COL8A1: variants seen among roughly 807,000 people sequenced by gnomAD.
COL8A1 encodes collagen type VIII alpha 1 chain.
Under a neutral mutation model 42.7 loss-of-function variants are expected in COL8A1, and 21 were observed. That is an observed-to-expected ratio of 0.49 (90% confidence interval 0.35 to 0.71). The LOEUF (loss-of-function observed/expected upper bound fraction) is 0.71, where lower values mean the gene tolerates loss of function less well. COL8A1 is among the 30% of genes least tolerant of loss of function. The probability of loss-of-function intolerance (pLI) is 0.01; values close to 1 mark genes in which losing one functional copy is unlikely to be tolerated. For synonymous variants in COL8A1, 367 were observed against 369.1 expected (o/e 0.99, Z 0.06); for missense variants, 788 against 962.4 (o/e 0.82, Z 2.40).
intron 1 of COL8A1, among the ~76,000 whole-genome samples, chr3:99,717,594 A>G (rs576810550): frequency 6.6e-6 from 1 of 152,178 alleles, no homozygotes; most frequent in Middle Eastern, 3.4e-3. Context: ...ACTTATTTCT[A>G]GATGTTGAAA....
At chr3:99,703,888 C>T (rs909444947) in intron 1 of COL8A1, among the ~76,000 whole-genome samples, 19 of 152,128 alleles carry the variant, frequency 1.2e-4, no homozygotes, top group African/African-American at 4.3e-4. Context: ...AAATTCTCCA[C>T]AGTGGATATA....
At chr3:99,782,717 G>A (rs1045010571) in intron 2 of COL8A1, among the ~76,000 whole-genome samples, 8 of 152,190 alleles carry the variant, frequency 5.3e-5, no homozygotes, top group Non-Finnish European at 8.8e-5. Flanking sequence ...TTATAAGTGT[G>A]GATATGTTCT....
intron 2 of COL8A1, among the ~76,000 whole-genome samples, chr3:99,760,340 G>C (rs1941343485): frequency 6.6e-6 from 1 of 152,054 alleles, no homozygotes; most frequent in Admixed American, 6.5e-5. Context: ...AAACTTGGAA[G>C]TACCAAAATA....
At chr3:99,695,974 A>G (rs1939354521) in intron 1 of COL8A1, among the ~76,000 whole-genome samples, 3 of 152,188 alleles carry the variant, frequency 2.0e-5, no homozygotes. Context: ...TCTCTACTAC[A>G]AATACAAAAC....
chr3:99,692,357 G>A (rs943314751), intron 1 of COL8A1, among the ~76,000 whole-genome samples: 2 of 152,198 alleles, frequency 1.3e-5, no homozygotes. Flanking sequence ...AGTAGGCTGA[G>A]AAAATAATAT....
intron 1 of COL8A1, among the ~76,000 whole-genome samples, chr3:99,709,641 CA>C (rs1477632084): frequency 6.6e-6 from 1 of 152,040 alleles, no homozygotes; most frequent in Non-Finnish European, 1.5e-5. Context: ...GGAATTTAAC[CA>C]AAAACTAGTA....
At chr3:99,660,163 G>A (rs1026643157) in intron 1 of COL8A1, among the ~76,000 whole-genome samples, 2 of 152,150 alleles carry the variant, frequency 1.3e-5, no homozygotes, top group African/African-American at 4.8e-5. Flanking sequence ...CAAGTGCTCT[G>A]TACAGAAAGT....
chr3:99,643,004 A>G (rs1195749959), intron 1 of COL8A1, among the ~76,000 whole-genome samples: 2 of 152,230 alleles, frequency 1.3e-5, no homozygotes, highest in Admixed American at 1.3e-4. Context: ...CATAAAAGAT[A>G]AATGCTGGAA....
chr3:99,686,501 C>G (rs1437990502), intron 1 of COL8A1, among the ~76,000 whole-genome samples: 1 of 152,096 alleles, frequency 6.6e-6, no homozygotes, highest in Non-Finnish European at 1.5e-5. Context: ...CTTATCCTAT[C>G]CTAAGAAGAA....
At chr3:99,652,281 T>G (rs934182046) in intron 1 of COL8A1, among the ~76,000 whole-genome samples, 2 of 152,248 alleles carry the variant, frequency 1.3e-5, no homozygotes, top group African/African-American at 4.8e-5. Context: ...GATCTTAATT[T>G]GGGAACTTTG....
In COL8A1 at chr3:99,796,128, C is replaced by T. The variant is rs1942104519; in HGVS notation, c.2227C>T (p.Pro743Ser). The T allele has an allele frequency of 1.4e-6, 2 of 1,466,770 alleles. No homozygotes were observed. The highest frequency in any genetic ancestry group is 2.8e-5 in the African/African-American group (2 of 71,036). The allele number at this position is 1,466,770 out of a possible 1,614,324, so 90.9% of individuals were successfully genotyped here. Residue 743 changes from proline (P) to serine (S), a missense_variant, in exon 4 of 4, where the codon CCC (proline) becomes TCC (serine). Physicochemically the swap from Pro to Ser is moderately conservative, Grantham distance 74. Transcript: ENST00000652472. ...HSSFSGYLLY[P>S]M ...CTCCTTTTCAGGATATTTATTGTAT[C>T]CCATGTAAAAACAAAAAAACAAAAA...
intron 1 of COL8A1, among the ~76,000 whole-genome samples, chr3:99,728,833 A>G (rs1338174144): frequency 6.6e-6 from 1 of 152,048 alleles, no homozygotes; most frequent in East Asian, 1.9e-4. Context: ...GTTCAATTTA[A>G]GATTTGCTCT....
At chr3:99,652,716 A>G (rs1406833388) in intron 1 of COL8A1, among the ~76,000 whole-genome samples, 3 of 152,238 alleles carry the variant, frequency 2.0e-5, no homozygotes, top group Non-Finnish European at 4.4e-5. Context: ...TATGGCAGCT[A>G]ACATGTCTTG....
intron 2 of COL8A1, among the ~76,000 whole-genome samples, chr3:99,752,636 TCTC>T (rs149226910): frequency 0.013 from 2,045 of 152,012 alleles, 40 homozygotes; most frequent in African/African-American, 0.043. Flanking sequence ...CATATATCCC[TCTC>T]CTATCAATTG....
intron 1 of COL8A1, among the ~76,000 whole-genome samples, chr3:99,665,887 C>T (rs1195219164): frequency 2.7e-5 from 4 of 149,076 alleles, no homozygotes; most frequent in Non-Finnish European, 5.9e-5. Flanking sequence ...GATGGGGTTT[C>T]GCCATGTTGG....
At chr3:99,699,303 A>G (rs1167918381) in intron 1 of COL8A1, among the ~76,000 whole-genome samples, 1 of 152,204 alleles carries the variant, frequency 6.6e-6, no homozygotes, top group Non-Finnish European at 1.5e-5. Flanking sequence ...GCCCTCATTA[A>G]CATTTACTTT....
intron 1 of COL8A1, among the ~76,000 whole-genome samples, chr3:99,639,809 T>G (rs1937469854): frequency 6.6e-6 from 1 of 152,210 alleles, no homozygotes; most frequent in African/African-American, 2.4e-5. Flanking sequence ...TCAAGACCAC[T>G]TAGAGAAGGC....
At chr3:99,668,761 G>C (rs141397070) in intron 1 of COL8A1, among the ~76,000 whole-genome samples, 138 of 152,114 alleles carry the variant, frequency 9.1e-4, no homozygotes, top group African/African-American at 3.2e-3. Context: ...AATTTAATAA[G>C]TAGCTGTATA....
At chr3:99,703,700 T>A (rs1176144276) in intron 1 of COL8A1, 1 of 152,208 alleles carries the variant, frequency 6.6e-6, no homozygotes, top group Non-Finnish European at 1.5e-5. Flanking sequence ...TCAACTGCAA[T>A]ACTGGAAGAG....
Sources: gnomAD v4.1 joint callset for allele counts (sites outside exome capture counted in the v4.1 genomes callset) on GRCh38, gnomAD v4.1.1 for gene constraint, MANE v1.5 for transcripts, NCBI Gene and HGNC (gene_info 2026-07-23, HGNC 2026-07-21) for gene names.